RBFOX1: variants seen among roughly 807,000 people sequenced by gnomAD.
RBFOX1 encodes RNA binding fox-1 homolog 1, also known as RNA binding protein fox-1 homolog 1.
A neutral mutation model predicts 57.7 loss-of-function variants in RBFOX1; 8 were observed. That is an observed-to-expected ratio of 0.14 (90% CI 0.08 to 0.25). The LOEUF (loss-of-function observed/expected upper bound fraction) is 0.25. RBFOX1 is among the 10% of genes least tolerant of loss of function. The pLI, the probability that RBFOX1 is intolerant of heterozygous loss-of-function variation, is 1.00. For missense variants in RBFOX1, 611 were observed against 548.5 expected (o/e 1.11, Z -1.14); for synonymous variants, 326 against 222.4 (o/e 1.47, Z -4.15).
chr16:6,990,296 G>A (rs761610265), intron 3 of RBFOX1, among the ~76,000 whole-genome samples: 24 of 151,812 alleles, frequency 1.6e-4, no homozygotes, highest in Non-Finnish European at 2.9e-4. Context: ...AGGCCGAGGC[G>A]GGTGGGTCAC....
intron 2 of RBFOX1, among the ~76,000 whole-genome samples, chr16:6,539,812 C>CAG (rs1386395465): frequency 6.6e-6 from 1 of 151,242 alleles, no homozygotes; most frequent in African/African-American, 2.4e-5. Context: ...CACAGACACA[C>CAG]ACACACACAC....
At chr16:7,449,741 G>GGGGGGGT (rs2098837033) in intron 4 of RBFOX1, among the ~76,000 whole-genome samples, 2 of 113,920 alleles carry the variant, frequency 1.8e-5, no homozygotes, top group Non-Finnish European at 3.8e-5. Flanking sequence ...GGGGGGGGGG[G>GGGGGGGT]TTGTTTTGTT....
intron 3 of RBFOX1, among the ~76,000 whole-genome samples, chr16:6,731,130 A>C (rs2154173726): frequency 6.6e-6 from 1 of 152,272 alleles, no homozygotes; most frequent in South Asian, 2.1e-4. Flanking sequence ...CTGAATTAGA[A>C]GATGAATACA....
chr16:5,436,495 C>T (rs751900919), intron 1 of RBFOX1, among the ~76,000 whole-genome samples: 1 of 152,210 alleles, frequency 6.6e-6, no homozygotes, highest in Non-Finnish European at 1.5e-5. Flanking sequence ...AGGGAATCCT[C>T]AGAACTCGTC....
chr16:6,783,967 C>T (rs1008848418), intron 3 of RBFOX1, among the ~76,000 whole-genome samples: 1 of 152,142 alleles, frequency 6.6e-6, no homozygotes, highest in African/African-American at 2.4e-5. Flanking sequence ...TCATCCCACT[C>T]CCTCATGGCC....
chr16:7,373,174 C>G (rs1038692228), intron 4 of RBFOX1, among the ~76,000 whole-genome samples: 11 of 152,102 alleles, frequency 7.2e-5, no homozygotes, highest in African/African-American at 2.7e-4. Flanking sequence ...ACCTTGTGAT[C>G]TACCTGCCTT....
intron 4 of RBFOX1, among the ~76,000 whole-genome samples, chr16:7,468,752 G>A (rs1299959395): frequency 6.6e-6 from 1 of 152,058 alleles, no homozygotes; most frequent in Non-Finnish European, 1.5e-5. Flanking sequence ...CAGGGATTTA[G>A]GAGATTGTCT....
In RBFOX1 at chr16:6,843,066, T is replaced by A. The variant is rs148548138; in HGVS notation, c.-16+188416T>A. ...TGTGCCACGTGTTCTTTATCCTTGA[T>A]GGGCATTTGGGTTGGTTCCAAGATT... is the stretch of plus-strand genomic sequence containing the variant. On this transcript the variant is annotated intron_variant, in intron 3 of 15. Coordinates refer to ENST00000550418, the MANE Select transcript of RBFOX1 (RefSeq NM_018723.4). 4.7e-3 allele frequency among the ~76,000 whole-genome samples: 723 copies of A among 152,304 alleles called. 3 individuals carry two copies. The highest frequency in any genetic ancestry group is 7.2e-3 in the Non-Finnish European group (491 of 68,012).
At chr16:6,041,843 T>C (rs892341782) in intron 1 of RBFOX1, among the ~76,000 whole-genome samples, 2 of 152,160 alleles carry the variant, frequency 1.3e-5, no homozygotes, top group Non-Finnish European at 2.9e-5. Flanking sequence ...CTGGAACAAA[T>C]CATCACAAAC....
intron 4 of RBFOX1, among the ~76,000 whole-genome samples, chr16:7,504,208 A>G (rs2151893554): frequency 6.6e-6 from 1 of 152,268 alleles, no homozygotes; most frequent in East Asian, 1.9e-4. Context: ...AAATGAAGAT[A>G]AAGTCGGTGC....
chr16:6,243,810 G>C (rs563741304), intron 1 of RBFOX1, among the ~76,000 whole-genome samples: 22 of 152,278 alleles, frequency 1.4e-4, no homozygotes, highest in African/African-American at 5.3e-4. Flanking sequence ...AGTCGTCATG[G>C]CTCCAGTGAT....
upstream of RBFOX1, among the ~76,000 whole-genome samples, chr16:6,014,910 C>A (rs941030590): frequency 4.4e-4 from 67 of 150,738 alleles, no homozygotes; most frequent in African/African-American, 1.3e-3. Flanking sequence ...GGCTGGAGTA[C>A]AGTGGTGTGG....
intron 5 of RBFOX1, among the ~76,000 whole-genome samples, chr16:7,546,323 C>A: frequency 7.0e-6 from 1 of 143,468 alleles, no homozygotes. Context: ...TAAAACTCCA[C>A]CTCAAAAAAT....
chr16:5,497,211 T>C (rs1275012353), intron 2 of RBFOX1, among the ~76,000 whole-genome samples: 7 of 152,214 alleles, frequency 4.6e-5, no homozygotes, highest in Admixed American at 2.0e-4. Flanking sequence ...GATCCACTCT[T>C]GAAATTTACT....
chr16:7,532,167 G>A (rs969192521), intron 5 of RBFOX1, among the ~76,000 whole-genome samples: 2 of 149,716 alleles, frequency 1.3e-5, no homozygotes, highest in African/African-American at 2.5e-5. Flanking sequence ...AGCAACGGTA[G>A]GTGTAGCATT....
chr16:7,700,373 C>T (rs923427143), intron 14 of RBFOX1, among the ~76,000 whole-genome samples: 1 of 152,138 alleles, frequency 6.6e-6, no homozygotes, highest in Non-Finnish European at 1.5e-5. Flanking sequence ...GTATAACCAA[C>T]TCAAAGAGAA....
At chr16:6,094,989 G>A (rs2096226848) in intron 1 of RBFOX1, among the ~76,000 whole-genome samples, 1 of 152,172 alleles carries the variant, frequency 6.6e-6, no homozygotes, top group South Asian at 2.1e-4. Flanking sequence ...GAACCCGGGA[G>A]GCAAAGTTTG....
At chr16:5,360,239 C>A (rs1205005877) in intron 1 of RBFOX1, among the ~76,000 whole-genome samples, 2 of 152,204 alleles carry the variant, frequency 1.3e-5, no homozygotes, top group African/African-American at 4.8e-5. Flanking sequence ...GTGCTGCTGA[C>A]ATGTTGTGGG....
At chr16:6,546,495 C>A (rs996284942) in intron 2 of RBFOX1, among the ~76,000 whole-genome samples, 1 of 152,156 alleles carries the variant, frequency 6.6e-6, no homozygotes, top group African/African-American at 2.4e-5. Context: ...AGTAATGGCA[C>A]TCTCTGGCAT....
Sources: allele counts gnomAD v4.1 joint callset (sites outside exome capture counted in the v4.1 genomes callset), GRCh38; gene constraint gnomAD v4.1.1; transcripts MANE v1.5; gene names NCBI Gene and HGNC (gene_info 2026-07-23, HGNC 2026-07-21).